MAP4: variants seen among roughly 807,000 people sequenced by gnomAD.
The protein encoded by MAP4 is microtubule associated protein 4, also known as microtubule-associated protein 4.
MAP4 carries 76 observed loss-of-function variants against 170.2 expected under a neutral mutation model. The observed-to-expected ratio is 0.45, with a 90% CI of 0.37 to 0.54. The LOEUF (loss-of-function observed/expected upper bound fraction) is 0.54, where lower values mean the gene tolerates loss of function less well. MAP4 is among the 20% of genes least tolerant of loss of function. The pLI is 0.00. For missense variants in MAP4, 2,506 were observed against 2,748.0 expected, an observed-to-expected ratio of 0.91 and a Z score of 1.97; for synonymous variants, 909 against 994.5, an observed-to-expected ratio of 0.91 and a Z score of 1.62.
chr3:47,869,012 C>T (rs974766078), intron 16 of MAP4, among the ~76,000 whole-genome samples: 5 of 152,162 alleles, frequency 3.3e-5, no homozygotes, highest in Non-Finnish European at 7.3e-5. Flanking sequence ...GGCTAATGGG[C>T]TCCCAACTCT....
At chr3:47,874,164 C>G (rs1401678629) in intron 12 of MAP4, among the ~76,000 whole-genome samples, 1 of 152,126 alleles carries the variant, frequency 6.6e-6, no homozygotes, top group South Asian at 2.1e-4. Context: ...ATTTCCTCAT[C>G]TGGATAAAAG....
At chr3:47,973,018 C>G in intron 3 of MAP4, 1 of 985,054 alleles carries the variant, frequency 1.0e-6, no homozygotes, top group Non-Finnish European at 1.2e-6. Flanking sequence ...AAGTCTTTAC[C>G]CAACTTGTGT....
chr3:47,987,429 G>C, intron 2 of MAP4: 10 of 1,530,520 alleles, frequency 6.5e-6, no homozygotes, highest in Non-Finnish European at 8.7e-6. Flanking sequence ...GGGGTAGTGG[G>C]AGGTCTAGAA....
At chr3:47,871,894 T>G in intron 13 of MAP4, 23 bp downstream of exon 13, 25 of 1,589,474 alleles carry the variant, frequency 1.6e-5, no homozygotes, top group Non-Finnish European at 2.2e-5. Flanking sequence ...CTAGTTCCCA[T>G]GGGAGAGAAA....
chr3:48,001,474 G>A (rs2100099102), intron 1 of MAP4, among the ~76,000 whole-genome samples: 1 of 152,036 alleles, frequency 6.6e-6, no homozygotes, highest in Non-Finnish European at 1.5e-5. Context: ...AATTTTAAAT[G>A]ATTATCTTTT....
intron 10 of MAP4, among the ~76,000 whole-genome samples, chr3:47,887,359 T>C: frequency 6.6e-6 from 1 of 152,222 alleles, no homozygotes; most frequent in East Asian, 1.9e-4. Context: ...GGCCAGTGGC[T>C]GCAGAGGGTG....
chr3:47,914,863 C>A lies in MAP4; in HGVS notation c.1953G>T (p.Arg651Ser). ...CAGAAGGTTGACTGTTGCATGGTTT[C>A]CTTTCCCCTAGTTTTTCTAACACAG... The part of the protein sequence containing the change: ...EDSVLEKLGE[R>S]KPCNSQPSEL... The change falls in exon 8 of 21, where the codon AGG becomes AGT. Residue 651 changes from arginine (R) to serine (S), a missense_variant. By Grantham distance (110) the Arg-to-Ser change is moderately radical. Coordinates refer to ENST00000683076, the MANE Select transcript of MAP4 (RefSeq NM_001385682.1). The A allele has an allele frequency of 6.2e-7, 1 of 1,614,140 alleles. No homozygotes were observed. Among genetic ancestry groups the A allele is most frequent in the Non-Finnish European group, 8.5e-7 (1 of 1,180,032 alleles).
chr3:47,885,992 T>C (rs1198739275), intron 10 of MAP4, among the ~76,000 whole-genome samples: 3 of 152,142 alleles, frequency 2.0e-5, no homozygotes, highest in Non-Finnish European at 2.9e-5. Context: ...CCTCCCAAAG[T>C]GTTGGGATTA....
chr3:47,862,021 C>T (rs1474071286), intron 17 of MAP4, among the ~76,000 whole-genome samples: 1 of 151,338 alleles, frequency 6.6e-6, no homozygotes, highest in Non-Finnish European at 1.5e-5. Flanking sequence ...ATTAGCCGGG[C>T]GTGGCGGCGG....
chr3:47,950,021 G>A (rs1014515739), intron 3 of MAP4, among the ~76,000 whole-genome samples: 2 of 152,066 alleles, frequency 1.3e-5, no homozygotes, highest in African/African-American at 2.4e-5. Flanking sequence ...TTTAACCCTC[G>A]GCTGGTGCCA....
At chr3:47,991,675 T>A (rs1198590760) in intron 2 of MAP4, among the ~76,000 whole-genome samples, 1 of 152,026 alleles carries the variant, frequency 6.6e-6, no homozygotes, top group African/African-American at 2.4e-5. Context: ...TTTTCTTTTT[T>A]TTTTTTGAGA....
rs1195806557 is a variant in MAP4, at chr3:47,916,479, T to C, written c.1348A>G (p.Met450Val). The change falls in exon 7 of 21, where the codon ATG becomes GTG. Residue 450 changes from methionine to valine, a missense_variant. Met to Val is a conservative substitution (Grantham distance 21, BLOSUM62 1). Transcript: ENST00000683076. The stretch of plus-strand genomic sequence containing the variant: ...ACGTTGGTTTCCGGGGGCAGTGTCA[T>C]GTCCCTGGCCAGGGCTACCTCTGTT... ...SETEVALARD[M>V]TLPPETNVIL... 1.2e-6 allele frequency: 2 copies of C among 1,614,210 alleles called. No homozygotes were observed. Among genetic ancestry groups the C allele is most frequent in the South Asian group, 2.2e-5 (2 of 91,088 alleles).
chr3:48,022,630 C>T (rs570712286), intron 1 of MAP4, among the ~76,000 whole-genome samples: 1 of 152,302 alleles, frequency 6.6e-6, no homozygotes, highest in African/African-American at 2.4e-5. Context: ...GTGGCTCATG[C>T]CTGTAATCCC....
chr3:48,047,899 T>C (rs534123515), intron 1 of MAP4, among the ~76,000 whole-genome samples: 2 of 152,338 alleles, frequency 1.3e-5, no homozygotes, highest in Non-Finnish European at 2.9e-5. Context: ...ATGCTGGTTC[T>C]TTAAAAAACA....
At chr3:48,017,039 A>C (rs1238196270), upstream of MAP4, among the ~76,000 whole-genome samples, 2 of 151,960 alleles carry the variant, frequency 1.3e-5, no homozygotes, top group African/African-American at 4.8e-5. Context: ...TTGGCCTCCC[A>C]AAGTGCTGGG....
chr3:47,979,509 G>A (rs2100084232), intron 2 of MAP4, among the ~76,000 whole-genome samples: 1 of 152,164 alleles, frequency 6.6e-6, no homozygotes, highest in Non-Finnish European at 1.5e-5. Context: ...AGGCTGGAGT[G>A]CAGTGGCGCA....
At chr3:48,074,682 GTGT>G (rs1263908173) in intron 1 of MAP4, among the ~76,000 whole-genome samples, 1 of 132,086 alleles carries the variant, frequency 7.6e-6, no homozygotes, top group East Asian at 2.3e-4. Context: ...CTAATTGTGT[GTGT>G]GTGTGTGTGT....
chr3:48,058,463 G>A (rs111880118), intron 1 of MAP4, among the ~76,000 whole-genome samples: 103 of 152,324 alleles, frequency 6.8e-4, no homozygotes, highest in Admixed American at 1.4e-3. Context: ...ACGTGTCCAA[G>A]TTTCATCGGT....
chr3:47,983,008 C>G (rs1269650414), intron 2 of MAP4, among the ~76,000 whole-genome samples: 1 of 151,804 alleles, frequency 6.6e-6, no homozygotes, highest in Non-Finnish European at 1.5e-5. Flanking sequence ...AGCAATTCTC[C>G]TGTCTCAACA....
Sources: gnomAD v4.1 joint callset for allele counts (sites outside exome capture counted in the v4.1 genomes callset) on GRCh38, gnomAD v4.1.1 for gene constraint, MANE v1.5 for transcripts, NCBI Gene and HGNC (gene_info 2026-07-23, HGNC 2026-07-21) for gene names.